PCNT: variants seen among roughly 807,000 people sequenced by gnomAD.
PCNT encodes kendrin.
A neutral mutation model predicts 380.4 loss-of-function variants in PCNT; 319 were observed. The ratio of observed to expected loss-of-function variants is 0.84; its 90% confidence interval spans 0.77 to 0.92. PCNT has a LOEUF of 0.92. Ranked by LOEUF, PCNT falls within the 40% of genes least tolerant of loss-of-function variation. PCNT has a pLI of 0.00. For missense variants in PCNT, 4,400 were observed against 4,255.3 expected (o/e 1.03, Z -0.95); for synonymous variants, 1,845 against 1,735.2 (o/e 1.06, Z -1.57).
At chr21:46,391,095 C>T (rs1206822501) in intron 20 of PCNT, 69 bp from the exon 21 acceptor site, 4 of 1,437,834 alleles carry the variant, frequency 2.8e-6, no homozygotes, top group East Asian at 4.9e-5. Context: ...CCCGTCCCTT[C>T]CTCCAAGCAG....
chr21:46,440,229 C>T, intron 42 of PCNT, 27 bp downstream of exon 42: 1 of 1,612,700 alleles, frequency 6.2e-7, no homozygotes, highest in Non-Finnish European at 8.5e-7. Context: ...GAGTATAGAA[C>T]TTTGGTGCTT....
intron 24 of PCNT, among the ~76,000 whole-genome samples, chr21:46,399,382 T>TGTGCAGCCTGTGGGTCTAGGTCTCC (rs2086342544): frequency 9.3e-5 from 4 of 43,114 alleles, no homozygotes; most frequent in Non-Finnish European, 1.9e-4. Context: ...TCTGGGTCTC[T>TGTGCAGCCTGTGGGTCTAGGTCTCC]CTGTGCAGCC....
Position 46,402,395 on chromosome 21 carries a change from T to G in PCNT, c.5027T>G (p.Ile1676Arg). The change falls in exon 27 of 47, where the codon ATA (isoleucine) becomes AGA (arginine). Residue 1676 changes from isoleucine to arginine, a missense_variant. By Grantham distance (97) the Ile-to-Arg change is moderately conservative. Coordinates refer to ENST00000359568, the MANE Select transcript of PCNT (RefSeq NM_006031.6). ...KGDLESKNEE[I>R]LHLNLKLDMQ... ...GACTTAGAAAGTAAAAATGAAGAAA[T>G]ACTACATCTGAACTTAAAATTGGAC... 6.2e-7 allele frequency: 1 copy of G among 1,612,870 alleles called. No individual in the cohort carries two copies.
chr21:46,437,178 C>T, intron 40 of PCNT, 97 bp downstream of exon 40: 1 of 785,600 alleles, frequency 1.3e-6, no homozygotes, highest in Admixed American at 2.1e-5. Context: ...CCCCATTGTT[C>T]TTCCTCCCTC....
rs772613255 is a variant in PCNT, at chr21:46,411,785, C to T, written c.5712C>T (p.Ala1904=). 1.2e-6 allele frequency: 2 copies of T among 1,602,202 alleles called. No homozygotes were observed. The highest frequency in any genetic ancestry group is 2.2e-5 in the East Asian group (1 of 44,642). ...TGGCCTTGGCCCGCATCCGCCGCGC[C>T]CTGGAGCAGCAGCCCCTGGCAGCCG... ...VLLALARIRR[A]LEQQPLAAGA... The change falls in exon 28 of 47, where the codon GCC becomes GCT. Residue 1904 remains alanine, a synonymous_variant. Transcript: ENST00000359568.
intron 29 of PCNT, among the ~76,000 whole-genome samples, chr21:46,413,343 GGCAGCA>G (rs2086875825): frequency 3.6e-5 from 1 of 28,068 alleles, no homozygotes. Context: ...CTGGACACGC[GGCAGCA>G]AGGTGTGGGG....
At chr21:46,415,781 T>A (rs779760714) in intron 29 of PCNT, among the ~76,000 whole-genome samples, 2 of 152,194 alleles carry the variant, frequency 1.3e-5, no homozygotes, top group African/African-American at 4.8e-5. Context: ...AACCACAATT[T>A]TGTGTTTTCG....
At position 46,416,793 on chromosome 21, in the gene PCNT, C is replaced by G; in HGVS notation, c.6875C>G (p.Ala2292Gly). ...GCAGCAGCGCTGGCACTGCAGTGGG[C>G]CGAGTCTCCGCCGGCTGACGACCAC... ...VSAAALALQW[A>G]ESPPADDHHV... is the part of the protein sequence containing the mutation. Residue 2292 changes from alanine to glycine, a missense_variant, in exon 30 of 47, where the codon GCC (alanine) becomes GGC (glycine). Transcript: ENST00000359568. 1 of 1,600,712 alleles carries G rather than the reference C, an allele frequency of 6.2e-7. No homozygotes were observed. The highest frequency in any genetic ancestry group is 8.5e-7 in the Non-Finnish European group (1 of 1,179,142).
intron 21 of PCNT, 40 bp downstream of exon 21, chr21:46,391,416 G>GGC: frequency 1.3e-6 from 2 of 1,493,556 alleles, no homozygotes; most frequent in Non-Finnish European, 1.8e-6. Flanking sequence ...CGAGCTGTGG[G>GGC]GCGCGGATAC....
At chr21:46,412,708 GAT>G in intron 28 of PCNT, 127 bp from the exon 29 acceptor site, 1 of 971,244 alleles carries the variant, frequency 1.0e-6, no homozygotes. Flanking sequence ...CTCGGCTGTG[GAT>G]GTCACTGCCA....
Position 46,346,164 on chromosome 21 carries a change from C to G in PCNT, c.676C>G (p.Leu226Val), listed in dbSNP as rs2146541101. The G allele has an allele frequency of 1.2e-6, 2 of 1,613,866 alleles. No homozygotes were observed. The highest frequency in any genetic ancestry group is 1.1e-5 in the South Asian group (1 of 91,076). The change falls in exon 4 of 47, where the codon CTG becomes GTG. Residue 226 changes from leucine (L) to valine (V), a missense_variant. By Grantham distance (32) the Leu-to-Val change is conservative (BLOSUM62 1). Coordinates refer to ENST00000359568, the MANE Select transcript of PCNT (RefSeq NM_006031.6). ...EQECELAITDLESGREDEAGL... is the reference protein window; with the variant it reads ...EQECELAITDVESGREDEAGL... ...AGAATGTGAACTTGCCATTACTGACCTGGAGAGCGGCCGTGAAGATGAGGC... is the reference window on the plus strand; with the variant it reads ...AGAATGTGAACTTGCCATTACTGACGTGGAGAGCGGCCGTGAAGATGAGGC...
rs562727876 is a variant in PCNT at position 46,334,774 on chromosome 21, C to T, written c.639+6C>T. On this transcript the variant is annotated splice_donor_region_variant and intron_variant, in intron 3 of 46. Coordinates refer to ENST00000359568, the MANE Select transcript of PCNT (RefSeq NM_006031.6). ...AGCGTGGGATGTTCACAAAGGTATT[C>T]TTTAAGTTCTCTGTTAAGGTGTATT... is the stretch of plus-strand genomic sequence containing the variant. 9.9e-6 allele frequency: 16 copies of T among 1,614,052 alleles called. No homozygotes were observed. The South Asian group carries it at 1.6e-4, about 17-fold the overall frequency.
intron 1 of PCNT, 42 bp downstream of exon 1, chr21:46,324,324 G>A: frequency 6.5e-7 from 1 of 1,528,646 alleles, no homozygotes; most frequent in Non-Finnish European, 9.0e-7. Context: ...CTGGCGTGAA[G>A]TCCTAAGGGC....
chr21:46,410,629 A>G (rs1269912037), intron 27 of PCNT, among the ~76,000 whole-genome samples: 3 of 152,210 alleles, frequency 2.0e-5, no homozygotes, highest in South Asian at 2.1e-4. Context: ...ATTTCCTTAC[A>G]TGGCTGAGGA....
intron 29 of PCNT, among the ~76,000 whole-genome samples, chr21:46,414,243 C>T (rs1383715484): frequency 6.6e-6 from 1 of 152,124 alleles, no homozygotes; most frequent in African/African-American, 2.4e-5. Flanking sequence ...CCACCCTCCT[C>T]AGCCTCCCGA....
At chr21:46,366,527 A>G in intron 14 of PCNT, 57 bp from the exon 15 acceptor site, 3 of 1,463,930 alleles carry the variant, frequency 2.0e-6, no homozygotes, top group South Asian at 1.1e-5. Context: ...GGCTTTTGCA[A>G]GGGTCATTGC....
intron 15 of PCNT, among the ~76,000 whole-genome samples, chr21:46,374,321 C>T (rs1260946850): frequency 1.3e-5 from 2 of 152,164 alleles, no homozygotes; most frequent in Admixed American, 6.5e-5. Flanking sequence ...GATCCATTCT[C>T]ACCTAAAACA....
chr21:46,344,663 G>C (rs2084009280), intron 3 of PCNT, among the ~76,000 whole-genome samples: 1 of 152,258 alleles, frequency 6.6e-6, no homozygotes, highest in South Asian at 2.1e-4. Context: ...TGATGCAGGG[G>C]AAGCCAGAGA....
At chr21:46,385,777 C>A in intron 16 of PCNT, 55 bp from the exon 17 acceptor site, 7 of 1,570,904 alleles carry the variant, frequency 4.5e-6, no homozygotes, top group Non-Finnish European at 6.1e-6. Context: ...CCCTTACAGC[C>A]ATTTGCTTTT....
Sources: allele counts gnomAD v4.1 joint callset (sites outside exome capture counted in the v4.1 genomes callset), GRCh38; gene constraint gnomAD v4.1.1; transcripts MANE v1.5; gene names NCBI Gene and HGNC (gene_info 2026-07-23, HGNC 2026-07-21).